The following POP4 variants were observed in gnomAD, a reference collection of about 807,000 sequenced individuals.
The protein encoded by POP4 is POP4 ribonuclease P/MRP subunit, also known as ribonuclease P protein subunit p29.
A neutral mutation model predicts 29.9 loss-of-function variants in POP4; 31 were observed. The observed-to-expected ratio is 1.04, with a 90% CI of 0.78 to 1.40. The LOEUF (loss-of-function observed/expected upper bound fraction) is 1.40. Among genes scored for constraint, POP4 ranks in the 40% most tolerant of loss-of-function variants. The probability of loss-of-function intolerance (pLI) is 0.00; values close to 1 mark genes in which losing one functional copy is unlikely to be tolerated. For missense variants in POP4, 286 were observed against 282.7 expected (o/e 1.01, Z -0.08); for synonymous variants, 110 against 108.2 (o/e 1.02, Z -0.10).
chr19:29,610,680 T>C (rs1971057562), intron 3 of POP4, 48 bp downstream of exon 3: 1 of 1,579,108 alleles, frequency 6.3e-7, no homozygotes, highest in African/African-American at 1.3e-5. Flanking sequence ...TTACCCTTCT[T>C]GGTGTGTGAA....
chr19:29,614,138 C>T (rs988503586), intron 6 of POP4, among the ~76,000 whole-genome samples, 166 bp downstream of exon 6: 3 of 152,230 alleles, frequency 2.0e-5, no homozygotes, highest in East Asian at 1.9e-4. Context: ...CCCCTGCACC[C>T]GTGGCTCCCC....
chr19:29,607,282 G>GAA (rs10625292), intron 1 of POP4, among the ~76,000 whole-genome samples: 80,074 of 146,342 alleles, frequency 0.55, 22,271 homozygotes, highest in East Asian at 0.73. Context: ...ACAAAAACTG[G>GAA]AAAAAAAAAA....
At position 29,615,961 on chromosome 19, in the gene POP4, G is replaced by A. The variant is rs1227224147; in HGVS notation, c.*581G>A. 3 of 152,458 alleles carry A rather than the reference G, an allele frequency of 2.0e-5. No individual in the cohort carries two copies. The highest frequency in any genetic ancestry group is 7.2e-5 in the African/African-American group (3 of 41,454). 9.4% of individuals were successfully genotyped at this position (152,458 alleles called of 1,614,324 possible). A position where few individuals can be genotyped will look rare whatever the true frequency, so the allele number is the denominator to read the frequency against. On this transcript the variant is annotated 3_prime_UTR_variant, in exon 7 of 7. Transcript: ENST00000585603. Reference sequence around the variant, plus strand: ...GAAGGGTGAGTTGCTAAGTGACTTAGGGTTTATTCACTTCAGGAATCATAG... The same window carrying A: ...GAAGGGTGAGTTGCTAAGTGACTTAAGGTTTATTCACTTCAGGAATCATAG...
chr19:29,614,059 A>C, intron 6 of POP4, 87 bp downstream of exon 6: 1 of 1,524,728 alleles, frequency 6.6e-7, no homozygotes, highest in Non-Finnish European at 8.8e-7. Flanking sequence ...CAAGAGTTTG[A>C]TTTGACCCCT....
chr19:29,614,321 G>A (rs1001785488), intron 6 of POP4, among the ~76,000 whole-genome samples: 2 of 152,220 alleles, frequency 1.3e-5, no homozygotes, highest in Non-Finnish European at 2.9e-5. Context: ...AGGCAGCAGG[G>A]TAGAAACAGG....
At position 29,610,572 on chromosome 19, in the gene POP4, G is replaced by A; in HGVS notation, c.224G>A (p.Gly75Asp). The A allele has an allele frequency of 6.2e-7, 1 of 1,614,210 alleles. No homozygotes were observed. Among genetic ancestry groups the A allele is most frequent in the Non-Finnish European group, 8.5e-7 (1 of 1,180,048 alleles). Reference sequence around the variant, plus strand: ...AAGGAGAAGAAGAAGAAAGCCAAAGGCCTCTCTGCCAGGCAAAGGAGGGAG... The same window carrying A: ...AAGGAGAAGAAGAAGAAAGCCAAAGACCTCTCTGCCAGGCAAAGGAGGGAG... ...KRKEKKKKAK[G>D]LSARQRRELR... is the part of the protein sequence containing the mutation. Residue 75 changes from glycine (G) to aspartate (D), a missense_variant, in exon 3 of 7, where the codon GGC (glycine) becomes GAC (aspartate). By Grantham distance (94) the Gly-to-Asp change is moderately conservative. Coordinates refer to ENST00000585603, the MANE Select transcript of POP4 (RefSeq NM_006627.3).
At chr19:29,607,718 A>G (rs1452808105) in intron 1 of POP4, among the ~76,000 whole-genome samples, 2 of 152,238 alleles carry the variant, frequency 1.3e-5, no homozygotes, top group African/African-American at 2.4e-5. Context: ...TTATTGACCA[A>G]TGTATATTTT....
At chr19:29,615,221 G>A in intron 6 of POP4, 23 bp from the exon 7 acceptor site, 1 of 1,406,142 alleles carries the variant, frequency 7.1e-7, no homozygotes. Context: ...TTTTTCTCCT[G>A]CCTTTTTTTT....
intron 1 of POP4, among the ~76,000 whole-genome samples, chr19:29,607,410 T>G (rs574848940): frequency 6.6e-6 from 1 of 152,010 alleles, no homozygotes; most frequent in African/African-American, 2.4e-5. Flanking sequence ...ATTGTGCCAC[T>G]GCACTCCAGC....
At position 29,608,262 on chromosome 19, in the gene POP4, CTTTT is replaced by C. The variant is rs1164860504; in HGVS notation, c.8-376_8-373del. Among the ~76,000 whole-genome samples, 17 of 86,556 alleles carry C rather than the reference CTTTT, an allele frequency of 2.0e-4. No homozygotes were observed. The East Asian group carries it at 3.2e-3, about 16-fold the overall frequency. 56.8% of individuals were successfully genotyped at this position (86,556 alleles called of 152,430 possible). On this transcript the variant is annotated intron_variant, in intron 1 of 6. Coordinates refer to ENST00000585603, the MANE Select transcript of POP4 (RefSeq NM_006627.3). ...TAGTTATTTTCTTTTCTTTTCTTTT[CTTTT>C]TTTTTTTTTTTTTTTTTTGAGACAG...
intron 5 of POP4, 45 bp from the exon 6 acceptor site, chr19:29,613,826 A>G: frequency 1.3e-6 from 2 of 1,576,830 alleles, no homozygotes; most frequent in Non-Finnish European, 1.7e-6. Flanking sequence ...TGGTTCCCCC[A>G]GCACCACAGA....
At chr19:29,613,395 G>A (rs935938092) in intron 5 of POP4, among the ~76,000 whole-genome samples, 1 of 152,174 alleles carries the variant, frequency 6.6e-6, no homozygotes, top group Non-Finnish European at 1.5e-5. Context: ...CTCGGGTCAG[G>A]ACGAGGGAGG....
At chr19:29,611,781 A>G in intron 3 of POP4, 81 bp from the exon 4 acceptor site, 1 of 1,197,990 alleles carries the variant, frequency 8.3e-7, no homozygotes, top group Non-Finnish European at 1.2e-6. Context: ...GTTGGCATCA[A>G]GTCAAGCTCT....
chr19:29,613,440 G>A (rs1245447883), intron 5 of POP4, among the ~76,000 whole-genome samples: 1 of 152,186 alleles, frequency 6.6e-6, no homozygotes, highest in Non-Finnish European at 1.5e-5. Context: ...ATCTCGCAGT[G>A]CTGGCTGCTG....
chr19:29,616,047 G>A lies in POP4; in HGVS notation c.*667G>A, dbSNP rs865896255. 6.6e-6 allele frequency: 1 copy of A among 152,284 alleles called. No individual in the cohort carries two copies. Among genetic ancestry groups the A allele is most frequent in the South Asian group, 2.1e-4 (1 of 4,834 alleles). The allele number at this position is 152,284 out of a possible 1,614,324, so 9.4% of individuals were successfully genotyped here. ...GCTGTGCCCATGCATGGTTGCCCCA[G>A]CGTAGTGAGATGGGACCTGCCGCAG... is the stretch of plus-strand genomic sequence containing the variant. On this transcript the variant is annotated 3_prime_UTR_variant, in exon 7 of 7. Coordinates refer to ENST00000585603, the MANE Select transcript of POP4 (RefSeq NM_006627.3).
intron 1 of POP4, among the ~76,000 whole-genome samples, chr19:29,608,330 G>C (rs1436468196): frequency 7.5e-6 from 1 of 132,688 alleles, no homozygotes; most frequent in Non-Finnish European, 1.5e-5. Context: ...GCAATGGCAC[G>C]ATCTTGGCGC....
Position 29,608,674 on chromosome 19 carries a change from T to C in POP4, c.25T>C (p.Leu9=). The change falls in exon 2 of 7, where the codon TTG becomes CTG. Residue 9 remains leucine, a synonymous_variant. Coordinates refer to ENST00000585603, the MANE Select transcript of POP4 (RefSeq NM_006627.3). MKSVIYHA[L]SQKEANDSDV... is the part of the protein sequence containing the mutation. ...TCCCCCAGGTGTGATCTACCATGCATTGTCTCAGAAAGAGGCGAATGACTC... is the reference window on the plus strand; with the variant it reads ...TCCCCCAGGTGTGATCTACCATGCACTGTCTCAGAAAGAGGCGAATGACTC... 3 of 1,613,964 alleles carry C rather than the reference T, an allele frequency of 1.9e-6. No individual in the cohort carries two copies. Among genetic ancestry groups the C allele is most frequent in the Non-Finnish European group, 2.5e-6 (3 of 1,179,864 alleles).
chr19:29,610,849 G>C lies in POP4; in HGVS notation c.284+217G>C, dbSNP rs185310910. 1.3e-3 allele frequency: 773 copies of C among 574,244 alleles called. 7 individuals carry two copies. Among genetic ancestry groups the C allele is most frequent in the African/African-American group, 0.013 (688 of 53,530 alleles). The allele number at this position is 574,244 out of a possible 1,614,324, so 35.6% of individuals were successfully genotyped here. On this transcript the variant is annotated intron_variant, in intron 3 of 6. Coordinates refer to ENST00000585603, the MANE Select transcript of POP4 (RefSeq NM_006627.3). The stretch of plus-strand genomic sequence containing the variant: ...TGTCTGGCCTCTCTCCTCACCTTCA[G>C]GAGTAAGACCCGTGCAAGTACATCT...
intron 1 of POP4, 46 bp downstream of exon 1, chr19:29,606,371 C>T (rs956932514): frequency 1.9e-6 from 3 of 1,585,290 alleles, no homozygotes; most frequent in African/African-American, 1.4e-5. Flanking sequence ...CGTTAAGGGT[C>T]GGGGTCTTGG....
Sources: allele counts gnomAD v4.1 joint callset (sites outside exome capture counted in the v4.1 genomes callset), GRCh38; gene constraint gnomAD v4.1.1; transcripts MANE v1.5; gene names NCBI Gene and HGNC (gene_info 2026-07-23, HGNC 2026-07-21).